The following KIF3C variants were observed in gnomAD, a reference collection of about 807,000 sequenced individuals.
The protein encoded by KIF3C is kinesin-like protein KIF3C.
Under a neutral mutation model 67.7 loss-of-function variants are expected in KIF3C, and 12 were observed. The observed-to-expected ratio is 0.18, with a 90% CI of 0.11 to 0.29. KIF3C has a LOEUF of 0.29. Among genes scored for constraint, KIF3C ranks in the 10% least tolerant of loss-of-function variants. KIF3C has a pLI of 1.00. For synonymous variants in KIF3C, 393 were observed against 426.2 expected (o/e 0.92, Z 0.96); for missense variants, 789 against 1,059.6 (o/e 0.74, Z 3.55).
intron 1 of KIF3C, among the ~76,000 whole-genome samples, chr2:25,961,712 G>A (rs1663947229): frequency 6.6e-6 from 1 of 152,214 alleles, no homozygotes; most frequent in Non-Finnish European, 1.5e-5. Flanking sequence ...ATAAAACCAT[G>A]ATGTGGCTGA....
chr2:25,971,099 C>G (rs564605344), intron 1 of KIF3C, among the ~76,000 whole-genome samples: 1 of 152,036 alleles, frequency 6.6e-6, no homozygotes, highest in South Asian at 2.1e-4. Flanking sequence ...GGTGAAACCC[C>G]GTCTTTACTA....
chr2:25,954,761 T>G (rs1406239054), intron 3 of KIF3C, among the ~76,000 whole-genome samples: 2 of 152,152 alleles, frequency 1.3e-5, no homozygotes, highest in South Asian at 2.1e-4. Context: ...GAGCCGGAAC[T>G]AGGACCCGGG....
At position 25,962,787 on chromosome 2, in the gene KIF3C, TA is replaced by T. The variant is rs572046505; in HGVS notation, c.1546-6344del. On this transcript the variant is annotated intron_variant, in intron 1 of 7. Coordinates refer to ENST00000264712, the MANE Select transcript of KIF3C (RefSeq NM_002254.8). ...ATATATAAAATATATGTTATATATATAATATATATTATATAATATATAATAT... is the reference window on the plus strand; with the variant it reads ...ATATATAAAATATATGTTATATATATATATATATTATATAATATATAATAT... Among the ~76,000 whole-genome samples the T allele has an allele frequency of 1.2e-3, 106 of 91,740 alleles. 2 individuals carry two copies. The highest frequency in any genetic ancestry group is 2.6e-3 in the African/African-American group (55 of 21,364). The allele number at this position is 91,740 out of a possible 152,430, so 60.2% of individuals were successfully genotyped here. A position where few individuals can be genotyped will look rare whatever the true frequency, so the allele number is the denominator to read the frequency against.
At chr2:25,949,921 A>G (rs1054742789) in intron 5 of KIF3C, among the ~76,000 whole-genome samples, 1 of 150,048 alleles carries the variant, frequency 6.7e-6, no homozygotes, top group Non-Finnish European at 1.5e-5. Context: ...CAGTGAGCCA[A>G]GATCACACCA....
In KIF3C at chr2:25,929,978, T is replaced by C. The variant is rs768245630; in HGVS notation, c.2092A>G (p.Met698Val). Residue 698 changes from methionine to valine, a missense_variant, in exon 6 of 8, where the codon ATG becomes GTG. Around this residue, in one of 2 missense-constraint regions of KIF3C, gnomAD observed 648 missense variants for 807.8 expected, o/e 0.80. Transcript: ENST00000264712. ...ACCCTGTACCTGGGGTGGGACCCCATTGCCATGGCAACCCGAGCATACTGG... is the reference window on the plus strand; with the variant it reads ...ACCCTGTACCTGGGGTGGGACCCCACTGCCATGGCAACCCGAGCATACTGG... ...ISQYARVAMA[M>V]GSHPRYRAEN... is the part of the protein sequence containing the mutation. 1.2e-6 allele frequency: 2 copies of C among 1,613,882 alleles called. No individual in the cohort carries two copies. The highest frequency in any genetic ancestry group is 1.1e-5 in the South Asian group (1 of 91,070).
At chr2:25,978,088 G>C (rs1047812786) in intron 1 of KIF3C, among the ~76,000 whole-genome samples, 6 of 152,182 alleles carry the variant, frequency 3.9e-5, no homozygotes, top group African/African-American at 1.4e-4. Context: ...GAGGGCTGGA[G>C]AGGGAAAGGC....
At chr2:25,948,076 G>T (rs1047634108) in intron 5 of KIF3C, among the ~76,000 whole-genome samples, 13 of 152,112 alleles carry the variant, frequency 8.5e-5, no homozygotes, top group African/African-American at 2.9e-4. Context: ...GAAAAAATGA[G>T]CTGGCCATGG....
chr2:25,975,025 T>C (rs1441225398), intron 1 of KIF3C, among the ~76,000 whole-genome samples: 3 of 82,720 alleles, frequency 3.6e-5, no homozygotes, highest in African/African-American at 7.3e-5. Flanking sequence ...AAACTCCATC[T>C]CAAAAAAAAA....
intron 5 of KIF3C, among the ~76,000 whole-genome samples, chr2:25,939,958 A>G (rs1574480566): frequency 6.6e-6 from 1 of 152,056 alleles, no homozygotes. Context: ...TCAAAAAAAT[A>G]AAAATGAAAA....
chr2:25,955,458 AG>A lies in KIF3C; in HGVS notation c.1770+82del. 1 of 1,518,370 alleles carries A rather than the reference AG, an allele frequency of 6.6e-7. No homozygotes were observed. The highest frequency in any genetic ancestry group is 9.0e-7 in the Non-Finnish European group (1 of 1,113,340). The allele number at this position is 1,518,370 out of a possible 1,614,324, so 94.1% of individuals were successfully genotyped here. ...GTTCAGCAGTTCCAGCCAAATGGGG[AG>A]GAGTCCCTGAAGCACACATCCCTTG... is the stretch of plus-strand genomic sequence containing the variant. On this transcript the variant is annotated intron_variant, in intron 3 of 7. Coordinates refer to ENST00000264712, the MANE Select transcript of KIF3C (RefSeq NM_002254.8). The surrounding 1 kb of genome is among the most constrained non-coding windows in gnomAD (Gnocchi z 5.0).
chr2:25,953,947 A>G (rs561451853), intron 4 of KIF3C, among the ~76,000 whole-genome samples: 2 of 152,260 alleles, frequency 1.3e-5, no homozygotes, highest in Non-Finnish European at 2.9e-5. Context: ...GATTACAGGC[A>G]TGAGCCACTG....
intron 1 of KIF3C, among the ~76,000 whole-genome samples, chr2:25,978,336 A>T (rs921720116): frequency 2.0e-5 from 3 of 152,158 alleles, no homozygotes; most frequent in Non-Finnish European, 4.4e-5. Flanking sequence ...TGAGATTAAG[A>T]TGTCAACGCC....
At chr2:25,935,825 C>G (rs897396940) in intron 5 of KIF3C, among the ~76,000 whole-genome samples, 3 of 151,934 alleles carry the variant, frequency 2.0e-5, no homozygotes, top group African/African-American at 7.2e-5. Context: ...CGCCTGTAAT[C>G]CCAGCACTTT....
At chr2:25,948,632 GAGAGAGAAAGAGAAAGAGAGAAAGAGAA>G (rs367546203) in intron 5 of KIF3C, among the ~76,000 whole-genome samples, 3 of 100,578 alleles carry the variant, frequency 3.0e-5, no homozygotes, top group African/African-American at 4.8e-5. Flanking sequence ...GAGAGAAAGA[GAGAGAGAAAGAGAAAGAGAGAAAGAGAA>G]AGAGAGAAAG....
In KIF3C at chr2:25,982,447, C is replaced by G. The variant is rs991282784; in HGVS notation, c.-530G>C. On this transcript the variant is annotated 5_prime_UTR_variant, in exon 1 of 8. Coordinates refer to ENST00000264712, the MANE Select transcript of KIF3C (RefSeq NM_002254.8). Reference sequence around the variant, plus strand: ...TTGCAGCCAGCGCGGCTGCTGCTGCCTCTGCCTCCGCCTTCCCCGCCGCCG... The same window carrying G: ...TTGCAGCCAGCGCGGCTGCTGCTGCGTCTGCCTCCGCCTTCCCCGCCGCCG... 1 of 398,644 alleles carries G rather than the reference C, an allele frequency of 2.5e-6. No individual in the cohort carries two copies. Among genetic ancestry groups the G allele is most frequent in the African/African-American group, 2.1e-5 (1 of 48,644 alleles). 24.7% of individuals were successfully genotyped at this position (398,644 alleles called of 1,614,324 possible). A position where few individuals can be genotyped will look rare whatever the true frequency, so the allele number is the denominator to read the frequency against.
rs748264531 is a variant in KIF3C at position 25,929,335 on chromosome 2, G to T, written c.2258C>A (p.Ser753Tyr). ...TCTGGACTTTCGGACTTTAGACGTGGAAGGTCTTTCCAGAAAGCTGTCCAA... is the reference window on the plus strand; with the variant it reads ...TCTGGACTTTCGGACTTTAGACGTGTAAGGTCTTTCCAGAAAGCTGTCCAA... ...MRLDSFLERPSTSKVRKSRSW... is the reference protein window; with the variant it reads ...MRLDSFLERPYTSKVRKSRSW... Residue 753 changes from serine (S) to tyrosine (Y), a missense_variant, in exon 7 of 8, where the codon TCC (serine) becomes TAC (tyrosine). Coordinates refer to ENST00000264712, the MANE Select transcript of KIF3C (RefSeq NM_002254.8). 1 of 1,614,168 alleles carries T rather than the reference G, an allele frequency of 6.2e-7. No individual in the cohort carries two copies. Among genetic ancestry groups the T allele is most frequent in the South Asian group, 1.1e-5 (1 of 91,084 alleles).
chr2:25,947,359 A>T (rs112916620), intron 5 of KIF3C, among the ~76,000 whole-genome samples: 21,029 of 151,936 alleles, frequency 0.14, 1,614 homozygotes, highest in African/African-American at 0.19. Flanking sequence ...GGGCGGGCAG[A>T]TCACGAGGTC....
chr2:25,977,541 G>A (rs1664447835), intron 1 of KIF3C, among the ~76,000 whole-genome samples: 1 of 152,192 alleles, frequency 6.6e-6, no homozygotes, highest in African/African-American at 2.4e-5. Context: ...TGGGATGGCA[G>A]GGTAAAGAAG....
At chr2:25,973,859 C>T (rs539236614) in intron 1 of KIF3C, among the ~76,000 whole-genome samples, 4 of 152,242 alleles carry the variant, frequency 2.6e-5, no homozygotes, top group South Asian at 2.1e-4. Flanking sequence ...TTGGAGTAAC[C>T]GGCTTGGGCA....
Sources: gnomAD v4.1 joint callset for allele counts (sites outside exome capture counted in the v4.1 genomes callset) on GRCh38, gnomAD v4.1.1 for gene constraint, gnomAD v4.1.1 regional missense constraint, Gnocchi (gnomAD v3.1) non-coding constraint, MANE v1.5 for transcripts, NCBI Gene and HGNC (gene_info 2026-07-23, HGNC 2026-07-21) for gene names.